The following CIMIP3 variants were observed in gnomAD, a reference collection of about 807,000 sequenced individuals.
CIMIP3 encodes GUCA1A neighbor.
chr6:42,162,163 C>T, the CIMIP3 span, among the ~76,000 whole-genome samples: 1 of 146,678 alleles, frequency 6.8e-6, no homozygotes, highest in Non-Finnish European at 1.5e-5. Flanking sequence ...CCTGTTATCC[C>T]AGCACTTTGG....
At chr6:42,162,913 C>T in the CIMIP3 span, 1 of 619,916 alleles carries the variant, frequency 1.6e-6, no homozygotes, top group Admixed American at 2.7e-5. Flanking sequence ...TCTTTCCCCC[C>T]TCCCAGGACT....
chr6:42,160,959 C>G, the CIMIP3 span, among the ~76,000 whole-genome samples: 1 of 151,460 alleles, frequency 6.6e-6, no homozygotes, highest in Admixed American at 6.6e-5. Flanking sequence ...GAGGCTGAGG[C>G]GGGCGGATCA....
chr6:42,163,291 C>T, the CIMIP3 span: 1 of 507,120 alleles, frequency 2.0e-6, no homozygotes, highest in African/African-American at 2.0e-5. Flanking sequence ...ACCCTCACCC[C>T]TGTGACCTCA....
chr6:42,156,901 A>G, the CIMIP3 span, among the ~76,000 whole-genome samples: 8 of 152,158 alleles, frequency 5.3e-5, no homozygotes, highest in Non-Finnish European at 1.0e-4. Context: ...CAGCCTTCAC[A>G]CCCAAGTGCT....
the CIMIP3 span, chr6:42,155,430 G>A: frequency 4.5e-6 from 3 of 662,500 alleles, no homozygotes; most frequent in African/African-American, 5.3e-5. Context: ...AGTCCTCCCT[G>A]ACCACCAGAA....
chr6:42,159,376 T>C, the CIMIP3 span, among the ~76,000 whole-genome samples: 3 of 152,190 alleles, frequency 2.0e-5, no homozygotes, highest in Non-Finnish European at 4.4e-5. Context: ...TTTGTCACCT[T>C]CACACCAAGA....
At chr6:42,157,371 C>T in the CIMIP3 span, among the ~76,000 whole-genome samples, 1 of 152,116 alleles carries the variant, frequency 6.6e-6, no homozygotes, top group Admixed American at 6.5e-5. Flanking sequence ...GCCTCAGCCT[C>T]CCAAGTAGCT....
the CIMIP3 span, chr6:42,162,992 T>C: frequency 1.4e-6 from 1 of 714,864 alleles, no homozygotes. Context: ...GGCTCCACAC[T>C]CGTCCCGGCC....
At chr6:42,162,752 T>C in the CIMIP3 span, among the ~76,000 whole-genome samples, 1 of 152,138 alleles carries the variant, frequency 6.6e-6, no homozygotes, top group Non-Finnish European at 1.5e-5. Context: ...CCCTGATGGC[T>C]CTCCCCTGCT....
chr6:42,158,088 G>A, the CIMIP3 span, among the ~76,000 whole-genome samples: 1 of 151,296 alleles, frequency 6.6e-6, no homozygotes, highest in Non-Finnish European at 1.5e-5. Flanking sequence ...ACCCCTGGCT[G>A]AGAACCAATG....
the CIMIP3 span, among the ~76,000 whole-genome samples, chr6:42,162,338 C>T: frequency 6.6e-6 from 1 of 151,478 alleles, no homozygotes; most frequent in East Asian, 1.9e-4. Flanking sequence ...TCGCTTGAAC[C>T]CAGGAGGCGG....
the CIMIP3 span, among the ~76,000 whole-genome samples, chr6:42,157,401 A>G: frequency 1.3e-5 from 2 of 152,032 alleles, no homozygotes; most frequent in African/African-American, 2.4e-5. Flanking sequence ...GGCGTGCACC[A>G]TCACACCCAG....
At chr6:42,160,228 A>G in the CIMIP3 span, among the ~76,000 whole-genome samples, 2 of 151,838 alleles carry the variant, frequency 1.3e-5, no homozygotes, top group African/African-American at 4.8e-5. Flanking sequence ...GCCTCAAGTG[A>G]TCCTCCCACT....
the CIMIP3 span, among the ~76,000 whole-genome samples, chr6:42,161,473 T>C: frequency 6.6e-6 from 1 of 152,080 alleles, no homozygotes; most frequent in Non-Finnish European, 1.5e-5. Context: ...GTGAGGACAG[T>C]CCCTAGTAAA....
chr6:42,157,637 G>A, the CIMIP3 span, among the ~76,000 whole-genome samples: 4 of 151,864 alleles, frequency 2.6e-5, no homozygotes, highest in East Asian at 7.7e-4. Flanking sequence ...CAATCCTCCT[G>A]CCTTGGCCTC....
At chr6:42,162,323 A>G in the CIMIP3 span, among the ~76,000 whole-genome samples, 130 of 151,456 alleles carry the variant, frequency 8.6e-4, no homozygotes, top group Middle Eastern at 3.4e-3. Flanking sequence ...GCTGAGGCAG[A>G]AGAATCGCTT....
the CIMIP3 span, chr6:42,163,417 CAGTT>C: frequency 2.5e-6 from 1 of 402,526 alleles, no homozygotes; most frequent in Admixed American, 4.3e-5. Flanking sequence ...TTCTCAGCAG[CAGTT>C]AAAGTTTGTC....
At chr6:42,160,588 A>G in the CIMIP3 span, among the ~76,000 whole-genome samples, 7 of 152,180 alleles carry the variant, frequency 4.6e-5, no homozygotes, top group East Asian at 1.9e-4. Context: ...TAGGACTCTG[A>G]ATGACAACTT....
At chr6:42,161,905 A>ACT in the CIMIP3 span, among the ~76,000 whole-genome samples, 2 of 151,884 alleles carry the variant, frequency 1.3e-5, no homozygotes, top group Admixed American at 1.3e-4. Context: ...AGGAGCTGAA[A>ACT]CTCTAATGGG....
Sources: gnomAD v4.1 joint callset for allele counts (sites outside exome capture counted in the v4.1 genomes callset) on GRCh38, gnomAD v4.1.1 for gene constraint, MANE v1.5 for transcripts, NCBI Gene and HGNC (gene_info 2026-07-23, HGNC 2026-07-21) for gene names.